The following NUP88 variants were observed in gnomAD, a reference collection of about 807,000 sequenced individuals.
NUP88 encodes the protein nuclear pore complex protein Nup88.
In NUP88, 57 loss-of-function variants were observed where a neutral mutation model predicts 93.9. That is an observed-to-expected ratio of 0.61 (90% CI 0.49 to 0.76). The LOEUF is 0.76. Among genes scored for constraint, NUP88 ranks in the 30% least tolerant of loss-of-function variants. The pLI is 0.00. For missense variants in NUP88, 911 were observed against 901.0 expected (o/e 1.01, Z -0.14); for synonymous variants, 346 against 336.8 (o/e 1.03, Z -0.30).
At chr17:5,394,454 G>C (rs1309751392) in intron 9 of NUP88, among the ~76,000 whole-genome samples, 3 of 152,168 alleles carry the variant, frequency 2.0e-5, no homozygotes, top group Admixed American at 1.3e-4. Flanking sequence ...CACAGTCTCT[G>C]CTCTCATGAA....
intron 2 of NUP88, among the ~76,000 whole-genome samples, chr17:5,416,167 GTATA>G (rs377002927): frequency 2.1e-5 from 1 of 47,858 alleles, no homozygotes; most frequent in Non-Finnish European, 3.8e-5. Context: ...AAAAAAAAAA[GTATA>G]TATATATATA....
At chr17:5,403,813 G>C (rs989748082) in intron 7 of NUP88, among the ~76,000 whole-genome samples, 1 of 152,170 alleles carries the variant, frequency 6.6e-6, no homozygotes, top group Non-Finnish European at 1.5e-5. Context: ...ATACCCAGTA[G>C]TGGAACTACT....
intron 2 of NUP88, among the ~76,000 whole-genome samples, chr17:5,414,491 G>A (rs1173167411): frequency 6.6e-6 from 1 of 152,072 alleles, no homozygotes; most frequent in Non-Finnish European, 1.5e-5. Context: ...CACCACGCCA[G>A]GCCCTGAAGA....
chr17:5,398,468 T>C (rs1478021126), intron 8 of NUP88, among the ~76,000 whole-genome samples: 1 of 152,120 alleles, frequency 6.6e-6, no homozygotes, highest in Non-Finnish European at 1.5e-5. Flanking sequence ...TTTGTATTTT[T>C]AGTAGAGACG....
chr17:5,398,589 CCTAA>C (rs1360103076), intron 8 of NUP88, among the ~76,000 whole-genome samples: 10 of 149,594 alleles, frequency 6.7e-5, no homozygotes, highest in East Asian at 2.0e-4. Context: ...CTGTGCCTGG[CCTAA>C]CTTTTTTTTT....
intron 9 of NUP88, among the ~76,000 whole-genome samples, chr17:5,392,954 A>T (rs1912534713): frequency 6.7e-6 from 1 of 150,128 alleles, no homozygotes; most frequent in South Asian, 2.1e-4. Flanking sequence ...CACAGTGGCT[A>T]ATTTTTTTTT....
At chr17:5,409,437 T>A (rs1913698799) in intron 4 of NUP88, among the ~76,000 whole-genome samples, 1 of 151,238 alleles carries the variant, frequency 6.6e-6, no homozygotes. Flanking sequence ...CATAAAATTA[T>A]TTGGTTCTAC....
chr17:5,414,338 G>A (rs1320479027), intron 2 of NUP88, among the ~76,000 whole-genome samples: 1 of 152,028 alleles, frequency 6.6e-6, no homozygotes, highest in Non-Finnish European at 1.5e-5. Flanking sequence ...TGGGATTACA[G>A]GCACCTGCCA....
chr17:5,410,410 T>C (rs1383442960), intron 4 of NUP88, among the ~76,000 whole-genome samples: 1 of 152,144 alleles, frequency 6.6e-6, no homozygotes, highest in Admixed American at 6.5e-5. Context: ...CAATGCAAGA[T>C]ATTATCTTAG....
rs539469751 is a variant in NUP88 at position 5,386,315 on chromosome 17, T to A, written c.2163-46A>T. The stretch of plus-strand genomic sequence containing the variant: ...TCACTTTTGGAATTATAATAAACCA[T>A]TTATATGGATTCTTAAGAATTTAAA... On this transcript the variant is annotated intron_variant, in intron 16 of 16. Transcript: ENST00000573584. 4.9e-5 allele frequency: 67 copies of A among 1,365,186 alleles called. No homozygotes were observed. In the African/African-American group the frequency reaches 9.0e-4, roughly 18 times the overall value. The allele number at this position is 1,365,186 out of a possible 1,614,324, so 84.6% of individuals were successfully genotyped here.
chr17:5,393,427 T>C (rs1453521406), intron 9 of NUP88, among the ~76,000 whole-genome samples: 1 of 149,556 alleles, frequency 6.7e-6, no homozygotes, highest in Admixed American at 6.6e-5. Context: ...TTTTCCTTGT[T>C]CACTTTTCTT....
rs78471436 is a variant in NUP88 at position 5,387,350 on chromosome 17, C to T, written c.1916+36G>A. 1,058 of 1,557,080 alleles carry T rather than the reference C, an allele frequency of 6.8e-4. 18 individuals are homozygous for T. In the East Asian group the frequency reaches 0.02, roughly 29 times the overall value. ...TTTTCTTAAATATCGTTGTTAGTAC[C>T]TGACTAGGTAACTAAATGTTATACA... On this transcript the variant is annotated intron_variant, in intron 14 of 16. Coordinates refer to ENST00000573584, the MANE Select transcript of NUP88 (RefSeq NM_002532.6).
In NUP88 at chr17:5,387,629, T is replaced by C. The variant is rs1182787296; in HGVS notation, c.1811A>G (p.Asp604Gly). 2.5e-6 allele frequency: 4 copies of C among 1,613,344 alleles called. No homozygotes were observed. The highest frequency in any genetic ancestry group is 2.2e-5 in the East Asian group (1 of 44,888). The stretch of plus-strand genomic sequence containing the variant: ...CCTCTCTTCTCGACAATAACTGAGA[T>C]CTTCTAGTTGTTTCTTTTTTTGGTC... ...LCDQKKKQLE[D>G]LSYCREERKS... Residue 604 changes from aspartate (D) to glycine (G), a missense_variant, in exon 13 of 17, where the codon GAT (aspartate) becomes GGT (glycine). By Grantham distance (94) the Asp-to-Gly change is moderately conservative. Coordinates refer to ENST00000573584, the MANE Select transcript of NUP88 (RefSeq NM_002532.6).
At chr17:5,404,019 T>A (rs1913330535) in intron 7 of NUP88, 80 bp downstream of exon 7, 4 of 1,399,318 alleles carry the variant, frequency 2.9e-6, no homozygotes, top group Middle Eastern at 1.8e-4. Context: ...ACAGAACAAA[T>A]ACATTACATA....
At chr17:5,404,518 G>A (rs892547375) in intron 6 of NUP88, among the ~76,000 whole-genome samples, 1 of 152,072 alleles carries the variant, frequency 6.6e-6, no homozygotes, top group African/African-American at 2.4e-5. Flanking sequence ...GGAGGCTGAC[G>A]CAAGAGAATC....
Position 5,413,911 on chromosome 17 carries a change from T to C in NUP88, c.593+98A>G. ...GCCATCCAATAAAAGCACTGACTCA[T>C]TCAATGACTCACTTCGTTCTATGTT... On this transcript the variant is annotated intron_variant, in intron 3 of 16. Coordinates refer to ENST00000573584, the MANE Select transcript of NUP88 (RefSeq NM_002532.6). 5.3e-6 allele frequency: 7 copies of C among 1,327,158 alleles called. No homozygotes were observed. In the South Asian group the frequency reaches 8.8e-5, roughly 17 times the overall value. The allele number at this position is 1,327,158 out of a possible 1,614,324, so 82.2% of individuals were successfully genotyped here.
chr17:5,408,740 A>G lies in NUP88; in HGVS notation c.850T>C (p.Leu284=). Residue 284 remains leucine (L), a synonymous_variant, in exon 5 of 17, where the codon TTA becomes CTA. Coordinates refer to ENST00000573584, the MANE Select transcript of NUP88 (RefSeq NM_002532.6). ...GETFLTYISL[L]HSPGNIGKLL... ...GTGACCACCTCAACTTACCTGTGTA[A>G]CAGACTGATGTATGTCAGGAAAGTC... 1 of 1,600,458 alleles carries G rather than the reference A, an allele frequency of 6.2e-7. No individual in the cohort carries two copies. Among genetic ancestry groups the G allele is most frequent in the Non-Finnish European group, 8.5e-7 (1 of 1,174,686 alleles).
chr17:5,412,658 C>T (rs1387295044), intron 3 of NUP88, among the ~76,000 whole-genome samples: 2 of 151,844 alleles, frequency 1.3e-5, no homozygotes, highest in Non-Finnish European at 2.9e-5. Flanking sequence ...ACCACCCCAC[C>T]CCCCCACATA....
In NUP88 at chr17:5,386,213, T is replaced by C. The variant is rs368772300; in HGVS notation, c.2219A>G (p.Asn740Ser). 6 of 1,612,992 alleles carry C rather than the reference T, an allele frequency of 3.7e-6. No individual in the cohort carries two copies. The highest frequency in any genetic ancestry group is 3.3e-5 in the South Asian group (3 of 90,898). ...AGTCAGCTCCTGGTGGTGTCAGAAG[T>C]TTACATGATTGCGGATATCATTGAT... ...KQINDIRNHV[N>S]F is the part of the protein sequence containing the mutation. Residue 740 changes from asparagine (N) to serine (S), a missense_variant, in exon 17 of 17, where the codon AAC becomes AGC. Asn to Ser is a conservative substitution (Grantham distance 46). Transcript: ENST00000573584.
Sources: allele counts gnomAD v4.1 joint callset (sites outside exome capture counted in the v4.1 genomes callset), GRCh38; gene constraint gnomAD v4.1.1; transcripts MANE v1.5; gene names NCBI Gene and HGNC (gene_info 2026-07-23, HGNC 2026-07-21).